YLPM1: variants seen among roughly 807,000 people sequenced by gnomAD.
YLPM1 encodes YLP motif containing 1.
Under a neutral mutation model 230.0 loss-of-function variants are expected in YLPM1, and 99 were observed. That is an observed-to-expected ratio of 0.43 (90% CI 0.37 to 0.51). The LOEUF is 0.51. YLPM1 is among the 20% of genes least tolerant of loss of function. The pLI, the probability that YLPM1 is intolerant of heterozygous loss-of-function variation, is 0.00. For synonymous variants in YLPM1, 984 were observed against 942.5 expected, an observed-to-expected ratio of 1.04 and a Z score of -0.81; for missense variants, 2,592 against 2,707.7, an observed-to-expected ratio of 0.96 and a Z score of 0.95.
At chr14:74,772,441 C>T (rs978069596) in intron 1 of YLPM1, among the ~76,000 whole-genome samples, 1 of 151,846 alleles carries the variant, frequency 6.6e-6, no homozygotes, top group East Asian at 1.9e-4. Context: ...TCACTGCAAC[C>T]TCCGCCTCCC....
At chr14:74,801,495 G>GA (rs200921702) in intron 5 of YLPM1, among the ~76,000 whole-genome samples, 1,848 of 152,258 alleles carry the variant, frequency 0.012, 40 homozygotes, top group African/African-American at 0.041. Flanking sequence ...TCAGTTTAAA[G>GA]AAAAAACCGA....
chr14:74,767,676 C>T (rs949530302), intron 1 of YLPM1, among the ~76,000 whole-genome samples: 11 of 152,206 alleles, frequency 7.2e-5, no homozygotes, highest in African/African-American at 2.7e-4. Flanking sequence ...TGACCTAGGT[C>T]AGTCCCTCCT....
chr14:74,793,437 GTTC>G (rs2091227270), intron 4 of YLPM1, among the ~76,000 whole-genome samples: 1 of 151,650 alleles, frequency 6.6e-6, no homozygotes, highest in East Asian at 1.9e-4. Context: ...TTTTTCTGTG[GTTC>G]TTCTGGCGTT....
Position 74,789,234 on chromosome 14 carries a change from A to AT in YLPM1, c.2282+6915dup, listed in dbSNP as rs1236334094. On this transcript the variant is annotated intron_variant, in intron 4 of 20. Transcript: ENST00000325680. ...AAGGGATTGGCAAGCTTTCTTTTTT[A>AT]TTTTTTCTTGAGACGGAGTCTCAGT... 2.6e-5 allele frequency among the ~76,000 whole-genome samples: 4 copies of AT among 151,778 alleles called. No homozygotes were observed. In the East Asian group the frequency reaches 5.8e-4, roughly 22 times the overall value.
rs779806231 is a variant in YLPM1, at chr14:74,829,236, G to A, written c.6187G>A (p.Gly2063Ser). The A allele has an allele frequency of 2.2e-5, 35 of 1,613,022 alleles. 1 individual carries two copies. Among genetic ancestry groups the A allele is most frequent in the Non-Finnish European group, 3.0e-5 (35 of 1,179,338 alleles). The change falls in exon 19 of 21, where the codon GGT becomes AGT. Residue 2063 changes from glycine to serine, a missense_variant. Physicochemically the swap from Gly to Ser is moderately conservative, Grantham distance 56. Transcript: ENST00000325680. ...AGACAAGTTGGATGGCTTGAGGACT[G>A]GTACTAAAAGGAAACGTGACTGGGA... ...KLDKLDGLRT[G>S]TKRKRDWEAI...
Position 74,797,865 on chromosome 14 carries a change from A to G in YLPM1, c.2568A>G (p.Ala856=). The part of the protein sequence containing the change: ...QQHQQQPKSQ[A]EPLSGNKEPL... ...ATCAGCAGCAACCTAAGTCACAAGC[A>G]GAACCTCTTTCAGGAAACAAAGAAC... The change falls in exon 5 of 21, where the codon GCA becomes GCG. Residue 856 remains alanine (A), a synonymous_variant. Coordinates refer to ENST00000325680, the MANE Select transcript of YLPM1 (RefSeq NM_019589.3). 2.5e-6 allele frequency: 4 copies of G among 1,614,026 alleles called. No homozygotes were observed. The highest frequency in any genetic ancestry group is 3.4e-6 in the Non-Finnish European group (4 of 1,179,896).
chr14:74,825,997 A>G lies in YLPM1; in HGVS notation c.6163+1690A>G, dbSNP rs531102872. Among the ~76,000 whole-genome samples, 7 of 152,308 alleles carry G rather than the reference A, an allele frequency of 4.6e-5. No homozygotes were observed. In the South Asian group the frequency reaches 1.2e-3, roughly 27 times the overall value. ...TTCTCAGAAAAAAACATTTTATACA[A>G]ATTTTCAGTTTTAAAGACAGAATAG... is the stretch of plus-strand genomic sequence containing the variant. On this transcript the variant is annotated intron_variant, in intron 18 of 20. Transcript: ENST00000325680.
Position 74,797,841 on chromosome 14 carries a change from T to G in YLPM1, c.2544T>G (p.His848Gln). The G allele has an allele frequency of 6.2e-7, 1 of 1,613,900 alleles. No homozygotes were observed. Among genetic ancestry groups the G allele is most frequent in the East Asian group, 2.2e-5 (1 of 44,872 alleles). The change falls in exon 5 of 21, where the codon CAT (histidine) becomes CAG (glutamine). Residue 848 changes from histidine to glutamine, a missense_variant. Physicochemically the swap from His to Gln is conservative, Grantham distance 24. Coordinates refer to ENST00000325680, the MANE Select transcript of YLPM1 (RefSeq NM_019589.3). ...CCAAACCAGCTTTTGGACAGCAGCA[T>G]CAGCAGCAACCTAAGTCACAAGCAG... Reference protein sequence around the residue: ...KGPKPAFGQQHQQQPKSQAEP... With the variant: ...KGPKPAFGQQQQQQPKSQAEP...
At chr14:74,796,265 C>T (rs1249245484) in intron 4 of YLPM1, among the ~76,000 whole-genome samples, 1 of 152,208 alleles carries the variant, frequency 6.6e-6, no homozygotes, top group African/African-American at 2.4e-5. Context: ...CCACATTTCC[C>T]TCTTTATCAG....
At chr14:74,794,803 A>C (rs545901062) in intron 4 of YLPM1, among the ~76,000 whole-genome samples, 1 of 152,326 alleles carries the variant, frequency 6.6e-6, no homozygotes, top group East Asian at 1.9e-4. Flanking sequence ...AAACACAAAT[A>C]TATCAAATTA....
rs1437051410 is a variant in YLPM1 at position 74,798,811 on chromosome 14, G to C, written c.3514G>C (p.Glu1172Gln). 1.9e-6 allele frequency: 3 copies of C among 1,613,958 alleles called. No individual in the cohort carries two copies. The Admixed American group carries it at 5.0e-5, about 27-fold the overall frequency. Residue 1172 changes from glutamate (E) to glutamine (Q), a missense_variant, in exon 5 of 21, where the codon GAA (glutamate) becomes CAA (glutamine). Transcript: ENST00000325680. ...TCGTGATAGAGGTCCATTCAGACCA[G>C]AACCAGGAGATGGTGGGGAAAAAAT... The part of the protein sequence containing the change: ...FGRDRGPFRP[E>Q]PGDGGEKMYP...
At chr14:74,802,703 T>C in intron 6 of YLPM1, 27 bp downstream of exon 6, 1 of 1,573,206 alleles carries the variant, frequency 6.4e-7, no homozygotes, top group Non-Finnish European at 8.6e-7. Flanking sequence ...GCTCAGAAAA[T>C]GAAATGGTTT....
Position 74,782,334 on chromosome 14 carries a change from GCTTTTTTTTCT to G in YLPM1, c.2282+19_2282+29del. On this transcript the variant is annotated intron_variant, in intron 4 of 20. Transcript: ENST00000325680. ...AGTCCAAGAGGCCCAAGGTAGGTCT[GCTTTTTTTTCT>G]CTTTTTTTTTGGTTTGGCTATTTTA... The G allele has an allele frequency of 6.8e-7, 1 of 1,476,562 alleles. No individual in the cohort carries two copies. 91.5% of individuals were successfully genotyped at this position (1,476,562 alleles called of 1,614,324 possible). A position where few individuals can be genotyped will look rare whatever the true frequency, so the allele number is the denominator to read the frequency against.
chr14:74,802,972 C>T (rs1386652544), intron 6 of YLPM1, among the ~76,000 whole-genome samples: 1 of 151,898 alleles, frequency 6.6e-6, no homozygotes, highest in Non-Finnish European at 1.5e-5. Flanking sequence ...TAAAATAGTC[C>T]TGTTGGCTGG....
In YLPM1 at chr14:74,816,924, AC is replaced by A. The variant is rs1488442068; in HGVS notation, c.5686-5del. 6 of 1,553,404 alleles carry A rather than the reference AC, an allele frequency of 3.9e-6. No homozygotes were observed. The Admixed American group carries it at 8.5e-5, about 22-fold the overall frequency. Reference sequence around the variant, plus strand: ...GCTAATTCCATATCTCTTTTGGGGGACCTTAGGTAATGGAATATGAATATGA... The same window carrying A: ...GCTAATTCCATATCTCTTTTGGGGGACTTAGGTAATGGAATATGAATATGA... On this transcript the variant is annotated splice_region_variant and splice_polypyrimidine_tract_variant and intron_variant, in intron 13 of 20. Coordinates refer to ENST00000325680, the MANE Select transcript of YLPM1 (RefSeq NM_019589.3).
chr14:74,819,827 GCTAT>G (rs2091507129), intron 16 of YLPM1, among the ~76,000 whole-genome samples: 1 of 151,738 alleles, frequency 6.6e-6, no homozygotes, highest in Non-Finnish European at 1.5e-5. Context: ...TACTTTTTTG[GCTAT>G]CTCTTTTCAG....
chr14:74,828,829 T>C (rs1300862710), intron 18 of YLPM1, among the ~76,000 whole-genome samples: 1 of 152,128 alleles, frequency 6.6e-6, no homozygotes, highest in Non-Finnish European at 1.5e-5. Context: ...AAATGGGTGG[T>C]GTTAATATTG....
chr14:74,827,573 C>CT lies in YLPM1; in HGVS notation c.6164-1639dup, dbSNP rs562332300. ...AGGAAAAGTTCTTGCAGTTTTCACA[C>CT]TGCCCTTCTGTATTGCTGCCTGGCT... On this transcript the variant is annotated intron_variant, in intron 18 of 20. Transcript: ENST00000325680. 1.4e-5 allele frequency: 14 copies of CT among 985,438 alleles called. No homozygotes were observed. In the East Asian group the frequency reaches 1.6e-3, roughly 112 times the overall value. 61.0% of individuals were successfully genotyped at this position (985,438 alleles called of 1,614,324 possible).
intron 4 of YLPM1, among the ~76,000 whole-genome samples, chr14:74,788,366 C>T (rs541061848): frequency 2.1e-4 from 32 of 152,232 alleles, no homozygotes; most frequent in African/African-American, 6.3e-4. Context: ...GTGATCCACC[C>T]GCCTCGGCCT....
Sources: gnomAD v4.1 joint callset for allele counts (sites outside exome capture counted in the v4.1 genomes callset) on GRCh38, gnomAD v4.1.1 for gene constraint, MANE v1.5 for transcripts, NCBI Gene and HGNC (gene_info 2026-07-23, HGNC 2026-07-21) for gene names.